The following FHIT variants were observed in gnomAD, a reference collection of about 807,000 sequenced individuals.
The protein encoded by FHIT is fragile histidine triad diadenosine triphosphatase, also known as bis(5'-adenosyl)-triphosphatase.
Under a neutral mutation model 17.9 loss-of-function variants are expected in FHIT, and 19 were observed. The observed-to-expected ratio is 1.06, with a 90% CI of 0.74 to 1.56. The LOEUF is 1.56. Among genes scored for constraint, FHIT ranks in the 40% most tolerant of loss-of-function variants. FHIT has a pLI of 0.00. For synonymous variants in FHIT, 81 were observed against 69.7 expected, an observed-to-expected ratio of 1.16 and a Z score of -0.81; for missense variants, 248 against 189.2, an observed-to-expected ratio of 1.31 and a Z score of -1.82.
intron 5 of FHIT, among the ~76,000 whole-genome samples, chr3:60,503,525 GA>G (rs2034605587): frequency 5.3e-5 from 8 of 152,098 alleles, no homozygotes; most frequent in Admixed American, 1.3e-4. Flanking sequence ...ATAAATAACT[GA>G]TAAATGTATG....
chr3:60,235,219 A>G (rs1439901258), intron 5 of FHIT, among the ~76,000 whole-genome samples: 2 of 131,614 alleles, frequency 1.5e-5, no homozygotes, highest in African/African-American at 3.0e-5. Context: ...TTAAATATCT[A>G]TGCTTTTGTT....
At chr3:61,056,267 GA>G in intron 2 of FHIT, among the ~76,000 whole-genome samples, 1 of 152,036 alleles carries the variant, frequency 6.6e-6, no homozygotes, top group East Asian at 1.9e-4. Flanking sequence ...CACAAAAAGG[GA>G]AAAAAATGAG....
intron 7 of FHIT, among the ~76,000 whole-genome samples, chr3:59,928,191 A>G (rs1006642485): frequency 6.6e-6 from 1 of 152,228 alleles, no homozygotes; most frequent in Non-Finnish European, 1.5e-5. Flanking sequence ...AACAGACGAT[A>G]CTGTGGTAAA....
chr3:60,029,844 C>A (rs913642853), intron 5 of FHIT, among the ~76,000 whole-genome samples: 1 of 146,232 alleles, frequency 6.8e-6, no homozygotes, highest in Non-Finnish European at 1.5e-5. Flanking sequence ...AGAGGTTGGA[C>A]AGGCAGTTGT....
chr3:60,140,915 G>T (rs1270836915), intron 5 of FHIT, among the ~76,000 whole-genome samples: 1 of 152,090 alleles, frequency 6.6e-6, no homozygotes, highest in Non-Finnish European at 1.5e-5. Context: ...TGAGTACTCG[G>T]ATCTAGGGTG....
rs1324418766 is a variant in FHIT at position 61,050,675 on chromosome 3, A to C, written c.-163-8576T>G. Among the ~76,000 whole-genome samples, 8 of 152,364 alleles carry C rather than the reference A, an allele frequency of 5.3e-5. No homozygotes were observed. The East Asian group carries it at 1.5e-3, about 29-fold the overall frequency. On this transcript the variant is annotated intron_variant, in intron 2 of 9. Coordinates refer to ENST00000492590, the MANE Select transcript of FHIT (RefSeq NM_002012.4). ...CGAAAAAATAAAATGGGGACAGAGG[A>C]AGTAAGATTGGCAAGATATTGATAA...
chr3:61,173,890 A>T (rs1560040931), intron 2 of FHIT, among the ~76,000 whole-genome samples: 1 of 152,320 alleles, frequency 6.6e-6, no homozygotes, highest in Middle Eastern at 3.4e-3. Context: ...CTAACTTGTC[A>T]TCCTGTTTGT....
rs574562022 is a variant in FHIT, at chr3:60,992,482, G to A, written c.-111+49565C>T. On this transcript the variant is annotated intron_variant, in intron 3 of 9. Transcript: ENST00000492590. ...TGGTGACTGCTCTCTTCAGGAAAAC[G>A]ATGACCTCAGGACTACTTAGGAGCC... Among the ~76,000 whole-genome samples the A allele has an allele frequency of 1.2e-4, 19 of 152,286 alleles. No homozygotes were observed. In the East Asian group the frequency reaches 2.9e-3, roughly 23 times the overall value.
intron 5 of FHIT, among the ~76,000 whole-genome samples, chr3:60,025,413 A>T (rs1042565076): frequency 6.6e-6 from 1 of 152,318 alleles, no homozygotes; most frequent in Non-Finnish European, 1.5e-5. Flanking sequence ...TCCCCAAGAG[A>T]ATGATTAGAA....
intron 5 of FHIT, among the ~76,000 whole-genome samples, chr3:60,446,342 A>G (rs2031330759): frequency 6.6e-6 from 1 of 152,112 alleles, no homozygotes; most frequent in Admixed American, 6.6e-5. Flanking sequence ...ATCTCCCACC[A>G]AAGAAGGTTC....
chr3:59,868,895 T>C (rs1210343179), intron 8 of FHIT, among the ~76,000 whole-genome samples: 2 of 152,194 alleles, frequency 1.3e-5, no homozygotes, highest in African/African-American at 4.8e-5. Flanking sequence ...CAGGGAAAGA[T>C]TCTAATCAAC....
At chr3:60,121,954 C>T (rs768549432) in intron 5 of FHIT, among the ~76,000 whole-genome samples, 2 of 152,056 alleles carry the variant, frequency 1.3e-5, no homozygotes, top group Non-Finnish European at 2.9e-5. Context: ...ACTCTTTGCT[C>T]AAACCAAGGA....
intron 5 of FHIT, among the ~76,000 whole-genome samples, chr3:60,173,124 C>T (rs1701492730): frequency 6.6e-6 from 1 of 152,196 alleles, no homozygotes; most frequent in African/African-American, 2.4e-5. Context: ...CAACTACTTT[C>T]TGTCCATTTC....
At chr3:60,628,435 TTC>T (rs2039351309) in intron 4 of FHIT, among the ~76,000 whole-genome samples, 3 of 152,234 alleles carry the variant, frequency 2.0e-5, no homozygotes, top group African/African-American at 7.2e-5. Flanking sequence ...TCTCTGATAT[TTC>T]TGTTGTCTGC....
intron 4 of FHIT, among the ~76,000 whole-genome samples, chr3:60,563,214 A>T (rs1037091255): frequency 1.3e-5 from 2 of 152,126 alleles, no homozygotes; most frequent in South Asian, 4.1e-4. Flanking sequence ...GTGAGGCAGC[A>T]GTGCACTTAT....
chr3:60,260,311 G>A (rs1706224977), intron 5 of FHIT, among the ~76,000 whole-genome samples: 2 of 150,914 alleles, frequency 1.3e-5, no homozygotes, highest in African/African-American at 4.9e-5. Context: ...CTCAGTTACT[G>A]GATTCCTGCC....
intron 8 of FHIT, among the ~76,000 whole-genome samples, chr3:59,891,449 C>T (rs1391654437): frequency 6.6e-6 from 1 of 152,194 alleles, no homozygotes; most frequent in Non-Finnish European, 1.5e-5. Context: ...GGGTAAGCAA[C>T]CTGAGAAGGA....
chr3:60,658,959 A>G (rs1487005105), intron 4 of FHIT, among the ~76,000 whole-genome samples: 1 of 142,312 alleles, frequency 7.0e-6, no homozygotes, highest in East Asian at 2.0e-4. Flanking sequence ...AAACTTCCTC[A>G]GCTTTTTTTT....
intron 5 of FHIT, among the ~76,000 whole-genome samples, chr3:60,237,801 A>T (rs1193399928): frequency 6.6e-6 from 1 of 151,996 alleles, no homozygotes; most frequent in Non-Finnish European, 1.5e-5. Flanking sequence ...AAAATACTGA[A>T]TTTTTCTGGG....
Sources: gnomAD v4.1 joint callset for allele counts (sites outside exome capture counted in the v4.1 genomes callset) on GRCh38, gnomAD v4.1.1 for gene constraint, MANE v1.5 for transcripts, NCBI Gene and HGNC (gene_info 2026-07-23, HGNC 2026-07-21) for gene names.